PCDH11X: variants seen among roughly 807,000 people sequenced by gnomAD.
PCDH11X encodes protocadherin 11 X-linked, also known as protocadherin-11 X-linked.
A neutral mutation model predicts 53.3 loss-of-function variants in PCDH11X; 18 were observed. That is an observed-to-expected ratio of 0.34 (90% confidence interval 0.23 to 0.50). The LOEUF (loss-of-function observed/expected upper bound fraction) is 0.50. Ranked by LOEUF, PCDH11X falls within the 20% of genes least tolerant of loss-of-function variation. The probability of loss-of-function intolerance (pLI) is 0.98; values close to 1 mark genes in which losing one functional copy is unlikely to be tolerated. For synonymous variants in PCDH11X, 279 were observed against 393.3 expected, an observed-to-expected ratio of 0.71 and a Z score of 3.44; for missense variants, 570 against 1,032.4, an observed-to-expected ratio of 0.55 and a Z score of 6.14.
Position 92,213,713 on chromosome X carries a change from G to C in PCDH11X, c.3114+12258G>C, listed in dbSNP as rs148972837. ...GATGAATACACAGCACGACAGATGG[G>C]AACCATTCTTCTGGAGCTCTTGGAC... is the stretch of plus-strand genomic sequence containing the variant. On this transcript the variant is annotated intron_variant, in intron 7 of 10. Transcript: ENST00000682573. Among the ~76,000 whole-genome samples, 801 of 111,436 alleles carry C rather than the reference G, an allele frequency of 7.2e-3. 5 individuals are homozygous for C. Among genetic ancestry groups the C allele is most frequent in the African/African-American group, 0.025 (766 of 30,722 alleles).
intron 10 of PCDH11X, among the ~76,000 whole-genome samples, chrX:92,575,905 GTATATATATATATATA>G (rs58574424): frequency 1.5e-4 from 4 of 25,825 alleles, no homozygotes; most frequent in Non-Finnish European, 1.9e-4. Context: ...TACCTGGTGT[GTATATATATATATATA>G]TATATATATA....
At chrX:92,573,450 G>A (rs1049456396) in intron 10 of PCDH11X, among the ~76,000 whole-genome samples, 1 of 110,928 alleles carries the variant, frequency 9.0e-6, no homozygotes, top group Non-Finnish European at 1.9e-5. Context: ...TGAGTTCTGA[G>A]TGGACACTCA....
At chrX:92,281,900 G>A (rs1167227240) in intron 8 of PCDH11X, among the ~76,000 whole-genome samples, 1 of 111,709 alleles carries the variant, frequency 9.0e-6, no homozygotes, top group South Asian at 3.7e-4. Context: ...GTGTCTCAGG[G>A]ACTGAGATAT....
At chrX:92,378,123 A>T (rs768864190) in intron 8 of PCDH11X, among the ~76,000 whole-genome samples, 57 of 100,060 alleles carry the variant, frequency 5.7e-4, no homozygotes, top group African/African-American at 1.9e-3. Flanking sequence ...GCCCATAATG[A>T]TTTCAAATGC....
At chrX:91,785,508 T>C (rs1289045032) in intron 1 of PCDH11X, among the ~76,000 whole-genome samples, 1 of 112,001 alleles carries the variant, frequency 8.9e-6, no homozygotes, top group African/African-American at 3.2e-5. Flanking sequence ...TCAACATCGC[T>C]GGGAATTGGG....
At chrX:92,060,838 T>C (rs1363306898) in intron 6 of PCDH11X, among the ~76,000 whole-genome samples, 1 of 111,852 alleles carries the variant, frequency 8.9e-6, no homozygotes, top group Non-Finnish European at 1.9e-5. Context: ...CGTTTGCGTA[T>C]ATACCCAATC....
chrX:91,954,911 G>A (rs2061689906), intron 6 of PCDH11X, among the ~76,000 whole-genome samples: 1 of 108,144 alleles, frequency 9.2e-6, no homozygotes, highest in Admixed American at 9.7e-5. Context: ...TCTGTAGGTT[G>A]TCTCTGTTGA....
chrX:91,819,287 T>G (rs935094459), intron 4 of PCDH11X, among the ~76,000 whole-genome samples: 1 of 107,859 alleles, frequency 9.3e-6, no homozygotes, highest in African/African-American at 3.4e-5. Context: ...AAAAAAAAAT[T>G]TAAAGAAGAG....
chrX:92,052,109 G>A (rs1435110961), intron 6 of PCDH11X, among the ~76,000 whole-genome samples: 3 of 111,478 alleles, frequency 2.7e-5, no homozygotes, highest in African/African-American at 9.8e-5. Flanking sequence ...CAACTCAGAG[G>A]AGTTGGAATG....
chrX:92,472,281 A>G (rs759298698), intron 10 of PCDH11X, among the ~76,000 whole-genome samples: 1 of 107,788 alleles, frequency 9.3e-6, no homozygotes, highest in East Asian at 3.0e-4. Flanking sequence ...ATTTTTGTAT[A>G]TAGTGTAAGG....
intron 8 of PCDH11X, among the ~76,000 whole-genome samples, chrX:92,364,462 A>G (rs2070417920): frequency 9.0e-6 from 1 of 111,031 alleles, no homozygotes; most frequent in Admixed American, 9.6e-5. Context: ...AGGGCACTAA[A>G]CATGAGTAGA....
At chrX:92,009,259 T>C (rs763542218) in intron 6 of PCDH11X, among the ~76,000 whole-genome samples, 66 of 111,951 alleles carry the variant, frequency 5.9e-4, no homozygotes, top group African/African-American at 2.1e-3. Context: ...AAAATAGAGC[T>C]GTGGTTTGCT....
At chrX:92,574,613 T>C (rs1293961071) in intron 10 of PCDH11X, among the ~76,000 whole-genome samples, 1 of 111,528 alleles carries the variant, frequency 9.0e-6, no homozygotes, top group Non-Finnish European at 1.9e-5. Flanking sequence ...AATTTTCAAT[T>C]ATTGAAATGC....
At chrX:92,568,638 G>A (rs1921815273) in intron 10 of PCDH11X, among the ~76,000 whole-genome samples, 1 of 109,593 alleles carries the variant, frequency 9.1e-6, no homozygotes, top group Non-Finnish European at 1.9e-5. Context: ...AAAACTGTTC[G>A]AAGGCTATAT....
rs1569281813 is a variant in PCDH11X at position 91,967,701 on chromosome X, C to T, written c.3033+88428C>T. On this transcript the variant is annotated intron_variant, in intron 6 of 10. Transcript: ENST00000682573. ...GCTGACAAAGTAGAAAAAAGGAAGA[C>T]CCCCCTAGCAACATCACATGAGTAC... 2.7e-5 allele frequency among the ~76,000 whole-genome samples: 3 copies of T among 111,210 alleles called. No homozygotes were observed. The South Asian group carries it at 1.1e-3, about 42-fold the overall frequency.
intron 6 of PCDH11X, among the ~76,000 whole-genome samples, chrX:91,924,339 C>T (rs1569258352): frequency 9.0e-6 from 1 of 110,850 alleles, no homozygotes; most frequent in African/African-American, 3.3e-5. Context: ...GGCTGTAATC[C>T]AAGGAATGTG....
At chrX:92,477,774 G>A (rs1478265882) in intron 10 of PCDH11X, among the ~76,000 whole-genome samples, 1 of 105,378 alleles carries the variant, frequency 9.5e-6, no homozygotes, top group African/African-American at 3.5e-5. Flanking sequence ...ATTATTGCTG[G>A]TCATTAATCT....
chrX:92,085,394 T>G (rs1348628111), intron 6 of PCDH11X, among the ~76,000 whole-genome samples: 1 of 108,205 alleles, frequency 9.2e-6, no homozygotes, highest in Admixed American at 1.0e-4. Flanking sequence ...TTTCATTGGG[T>G]CCTGAATACT....
chrX:91,973,613 C>CTTTTTTTTTTTTTT (rs750179369), intron 6 of PCDH11X, among the ~76,000 whole-genome samples: 1 of 88,281 alleles, frequency 1.1e-5, no homozygotes, highest in African/African-American at 4.3e-5. Flanking sequence ...GTATATACAA[C>CTTTTTTTTTTTTTT]TTTTTTTTTT....
Sources: gnomAD v4.1 joint callset for allele counts (sites outside exome capture counted in the v4.1 genomes callset) on GRCh38, gnomAD v4.1.1 for gene constraint, MANE v1.5 for transcripts, NCBI Gene and HGNC (gene_info 2026-07-23, HGNC 2026-07-21) for gene names.